Variants in SH3BGRL2 observed in about 807,000 individuals in gnomAD.
The protein encoded by SH3BGRL2 is SH3 domain binding glutamate rich protein like 2.
Under a neutral mutation model 14.8 loss-of-function variants are expected in SH3BGRL2, and 21 were observed. The observed-to-expected ratio is 1.42, with a 90% CI of 1.01 to 2.05. The LOEUF (loss-of-function observed/expected upper bound fraction) is 2.05, where lower values mean the gene tolerates loss of function less well. SH3BGRL2 is among the 30% of genes most tolerant of loss of function. SH3BGRL2 has a pLI of 0.00. For missense variants in SH3BGRL2, 147 were observed against 130.8 expected (o/e 1.12, Z -0.61); for synonymous variants, 50 against 47.8 (o/e 1.05, Z -0.19).
chr6:79,686,484 T>G (rs1440418035), intron 2 of SH3BGRL2, among the ~76,000 whole-genome samples: 1 of 152,162 alleles, frequency 6.6e-6, no homozygotes, highest in Non-Finnish European at 1.5e-5. Context: ...AACTTTTATC[T>G]TCTAGATCTC....
the SH3BGRL2 span, among the ~76,000 whole-genome samples, chr6:79,550,817 CA>C: frequency 6.6e-6 from 1 of 152,138 alleles, no homozygotes; most frequent in African/African-American, 2.4e-5. Flanking sequence ...ATTTCAGTGT[CA>C]TGATCATGGT....
chr6:79,555,784 A>G, the SH3BGRL2 span, among the ~76,000 whole-genome samples: 2 of 152,218 alleles, frequency 1.3e-5, no homozygotes, highest in Admixed American at 6.5e-5. Context: ...CTGGGATTAC[A>G]GGCGTGAGCC....
chr6:79,551,248 T>C, the SH3BGRL2 span, among the ~76,000 whole-genome samples: 1 of 152,180 alleles, frequency 6.6e-6, no homozygotes, highest in Non-Finnish European at 1.5e-5. Flanking sequence ...AAAAGTTCTA[T>C]TGAATTATAA....
chr6:79,650,613 C>T (rs1562147489), intron 1 of SH3BGRL2, among the ~76,000 whole-genome samples: 1 of 152,082 alleles, frequency 6.6e-6, no homozygotes, highest in East Asian at 1.9e-4. Context: ...AGGAAGGTGT[C>T]AGGCTCTTTT....
chr6:79,629,368 G>A (rs1768781771), upstream of SH3BGRL2, among the ~76,000 whole-genome samples: 1 of 151,916 alleles, frequency 6.6e-6, no homozygotes, highest in African/African-American at 2.4e-5. Context: ...GCCTTGCTTG[G>A]CTTAGGTGCT....
At chr6:79,646,441 C>A (rs892471277) in intron 1 of SH3BGRL2, among the ~76,000 whole-genome samples, 3 of 152,256 alleles carry the variant, frequency 2.0e-5, no homozygotes, top group African/African-American at 7.2e-5. Context: ...GACTTGGAAT[C>A]TGGTTCTGGC....
intron 1 of SH3BGRL2, among the ~76,000 whole-genome samples, chr6:79,647,122 T>C (rs1562146424): frequency 6.6e-6 from 1 of 152,320 alleles, no homozygotes; most frequent in East Asian, 1.9e-4. Context: ...GCCAAACTGT[T>C]TTCCAAAGTG....
chr6:79,563,914 A>G, the SH3BGRL2 span, among the ~76,000 whole-genome samples: 6 of 152,224 alleles, frequency 3.9e-5, no homozygotes, highest in African/African-American at 1.2e-4. Flanking sequence ...TCTAAAATCT[A>G]TGACAATGGC....
the SH3BGRL2 span, among the ~76,000 whole-genome samples, chr6:79,625,658 G>T: frequency 6.6e-6 from 1 of 152,082 alleles, no homozygotes; most frequent in Non-Finnish European, 1.5e-5. Flanking sequence ...GTGAATGCAG[G>T]CCCTTCCTTG....
At chr6:79,678,980 A>C (rs1769937952) in intron 2 of SH3BGRL2, among the ~76,000 whole-genome samples, 17 of 152,178 alleles carry the variant, frequency 1.1e-4, no homozygotes, top group Admixed American at 1.1e-3. Context: ...ATAGTATTCC[A>C]TGGTGTATAT....
At chr6:79,645,745 T>C (rs2127724980) in intron 1 of SH3BGRL2, among the ~76,000 whole-genome samples, 1 of 152,320 alleles carries the variant, frequency 6.6e-6, no homozygotes, top group Non-Finnish European at 1.5e-5. Context: ...GGTTATTAGT[T>C]GTTTGCTGGC....
chr6:79,604,785 G>A, the SH3BGRL2 span, among the ~76,000 whole-genome samples: 30 of 152,268 alleles, frequency 2.0e-4, no homozygotes, highest in Non-Finnish European at 3.1e-4. Context: ...ATGGGGAACC[G>A]CATCCCACTA....
At chr6:79,695,872 G>T (rs189632538) in intron 2 of SH3BGRL2, among the ~76,000 whole-genome samples, 10 of 152,294 alleles carry the variant, frequency 6.6e-5, no homozygotes, top group Non-Finnish European at 2.9e-5. Context: ...ATTCCTTGAT[G>T]CCTTCTTGTG....
chr6:79,557,222 CAG>C, the SH3BGRL2 span, among the ~76,000 whole-genome samples: 2 of 151,532 alleles, frequency 1.3e-5, no homozygotes, highest in East Asian at 1.9e-4. Context: ...TACTTTTAAA[CAG>C]AAAATTTAAA....
At chr6:79,626,944 G>C (rs572419156), upstream of SH3BGRL2, among the ~76,000 whole-genome samples, 3 of 152,146 alleles carry the variant, frequency 2.0e-5, no homozygotes, top group Admixed American at 6.5e-5. Flanking sequence ...CAAGATAAAG[G>C]AGGGGGATTA....
intron 2 of SH3BGRL2, among the ~76,000 whole-genome samples, chr6:79,691,037 C>G (rs1387286754): frequency 6.6e-6 from 1 of 152,000 alleles, no homozygotes; most frequent in Admixed American, 6.6e-5. Flanking sequence ...CACCTGTGGT[C>G]CCAGCTACTC....
At chr6:79,690,464 C>T (rs926758020) in intron 2 of SH3BGRL2, among the ~76,000 whole-genome samples, 15 of 152,226 alleles carry the variant, frequency 9.9e-5, no homozygotes, top group South Asian at 4.1e-4. Context: ...TCTCCAGGAA[C>T]AGGAATACTT....
At chr6:79,663,784 T>C (rs2127730278) in intron 1 of SH3BGRL2, among the ~76,000 whole-genome samples, 1 of 152,324 alleles carries the variant, frequency 6.6e-6, no homozygotes. Context: ...GTGGAGTCTA[T>C]AGAGGCTGTA....
chr6:79,624,812 G>GT, the SH3BGRL2 span, among the ~76,000 whole-genome samples: 98 of 148,762 alleles, frequency 6.6e-4, no homozygotes, highest in Middle Eastern at 3.4e-3. Context: ...TGTTTTTTGG[G>GT]TTTTTTTTTT....
Sources: allele counts gnomAD v4.1 joint callset (sites outside exome capture counted in the v4.1 genomes callset), GRCh38; gene constraint gnomAD v4.1.1; transcripts MANE v1.5; gene names NCBI Gene and HGNC (gene_info 2026-07-23, HGNC 2026-07-21).